Variants in NCKAP5 observed in about 807,000 individuals in gnomAD.
The protein encoded by NCKAP5 is nck-associated protein 5.
NCKAP5 carries 92 observed loss-of-function variants against 167.0 expected under a neutral mutation model. The observed-to-expected ratio is 0.55, with a 90% CI of 0.47 to 0.66. NCKAP5 has a LOEUF of 0.66. Among genes scored for constraint, NCKAP5 ranks in the 30% least tolerant of loss-of-function variants. NCKAP5 has a pLI of 0.00. For missense variants in NCKAP5, 2,378 were observed against 2,315.0 expected, an observed-to-expected ratio of 1.03 and a Z score of -0.56; for synonymous variants, 891 against 877.4, an observed-to-expected ratio of 1.02 and a Z score of -0.27.
At chr2:133,312,897 G>A (rs1681347056) in intron 3 of NCKAP5, among the ~76,000 whole-genome samples, 1 of 152,184 alleles carries the variant, frequency 6.6e-6, no homozygotes, top group African/African-American at 2.4e-5. Flanking sequence ...GTTTGTAGAT[G>A]TTATAGTTTT....
In NCKAP5 at chr2:133,267,116, G is replaced by A. The variant is rs114303232; in HGVS notation, c.143+35921C>T. On this transcript the variant is annotated intron_variant, in intron 4 of 19. Coordinates refer to ENST00000409261, the MANE Select transcript of NCKAP5 (RefSeq NM_207363.3). ...AGAGTGAGGGGCGGGGAAGGGAGGT[G>A]GGGGTGAGGGGACGATGGGGACCGG... Among the ~76,000 whole-genome samples, 628 of 152,260 alleles carry A rather than the reference G, an allele frequency of 4.1e-3. 3 individuals are homozygous for A. Among genetic ancestry groups the A allele is most frequent in the African/African-American group, 0.014 (602 of 41,560 alleles).
intron 13 of NCKAP5, among the ~76,000 whole-genome samples, chr2:132,789,147 T>C (rs1449900837): frequency 6.6e-6 from 1 of 151,902 alleles, no homozygotes; most frequent in Admixed American, 6.6e-5. Flanking sequence ...TAAAAGAAAG[T>C]GAAAAGCCTT....
At chr2:133,151,531 A>G (rs2083387043) in intron 5 of NCKAP5, among the ~76,000 whole-genome samples, 2 of 152,198 alleles carry the variant, frequency 1.3e-5, no homozygotes, top group Admixed American at 1.3e-4. Context: ...AAGTAAAAAT[A>G]TGAAAAGAGT....
Position 132,672,917 on chromosome 2 carries a change from G to T in NCKAP5, c.*372C>A. 4.1e-6 allele frequency: 4 copies of T among 964,242 alleles called. No individual in the cohort carries two copies. The highest frequency in any genetic ancestry group is 4.9e-6 in the Non-Finnish European group (4 of 810,432). The allele number at this position is 964,242 out of a possible 1,614,324, so 59.7% of individuals were successfully genotyped here. A position where few individuals can be genotyped will look rare whatever the true frequency, so the allele number is the denominator to read the frequency against. On this transcript the variant is annotated 3_prime_UTR_variant, in exon 20 of 20. Transcript: ENST00000409261. ...TGTGAATTTGACAAGGAAGGCTCTGGTACTGCAATAGTTTATTGTTATCTC... is the reference window on the plus strand; with the variant it reads ...TGTGAATTTGACAAGGAAGGCTCTGTTACTGCAATAGTTTATTGTTATCTC...
chr2:133,407,406 C>T (rs753349579), intron 3 of NCKAP5, among the ~76,000 whole-genome samples: 6 of 152,176 alleles, frequency 3.9e-5, no homozygotes, highest in Admixed American at 6.5e-5. Context: ...CCCAGGCTTC[C>T]GTTTAAAAAT....
intron 16 of NCKAP5, among the ~76,000 whole-genome samples, chr2:132,733,860 G>A (rs1249216206): frequency 1.3e-5 from 2 of 152,128 alleles, no homozygotes; most frequent in African/African-American, 4.8e-5. Flanking sequence ...AAAGAGGTTT[G>A]GTGCTTGGTA....
intron 3 of NCKAP5, among the ~76,000 whole-genome samples, chr2:133,480,784 T>C (rs1393563866): frequency 6.6e-6 from 1 of 152,162 alleles, no homozygotes; most frequent in Non-Finnish European, 1.5e-5. Flanking sequence ...GAACTGCGTG[T>C]TCCAAGCTTT....
chr2:133,256,858 T>C (rs1361222140), intron 4 of NCKAP5, among the ~76,000 whole-genome samples: 3 of 152,190 alleles, frequency 2.0e-5, no homozygotes, highest in South Asian at 2.1e-4. Flanking sequence ...TCTTCTCTCC[T>C]AGATTCATAT....
chr2:133,570,198 T>C (rs187239866), upstream of NCKAP5, among the ~76,000 whole-genome samples: 1 of 152,280 alleles, frequency 6.6e-6, no homozygotes, highest in African/African-American at 2.4e-5. Flanking sequence ...AGGAATTATA[T>C]AAATGATTAA....
chr2:133,372,660 A>G (rs1685878971), intron 3 of NCKAP5, among the ~76,000 whole-genome samples: 1 of 152,240 alleles, frequency 6.6e-6, no homozygotes, highest in Admixed American at 6.5e-5. Context: ...CTTTAAATAA[A>G]TACATATTCC....
In NCKAP5 at chr2:132,920,691, A is replaced by ATATATATATACGTATATGTATATATATG. The variant is rs1478364773; in HGVS notation, c.580-41803_580-41776dup. Among the ~76,000 whole-genome samples, 157 of 119,444 alleles carry ATATATATATACGTATATGTATATATATG rather than the reference A, an allele frequency of 1.3e-3. 8 individuals carry two copies. Among genetic ancestry groups the ATATATATATACGTATATGTATATATATG allele is most frequent in the Non-Finnish European group, 1.9e-3 (120 of 62,348 alleles). 78.4% of individuals were successfully genotyped at this position (119,444 alleles called of 152,430 possible). On this transcript the variant is annotated intron_variant, in intron 8 of 19. Coordinates refer to ENST00000409261, the MANE Select transcript of NCKAP5 (RefSeq NM_207363.3). ...TATATATATATATAAGTTAGTTTAT[A>ATATATATATACGTATATGTATATATATG]TATATATATACGTATATGTATATAT...
At chr2:133,534,348 T>A (rs1373482698) in intron 2 of NCKAP5, among the ~76,000 whole-genome samples, 1 of 152,200 alleles carries the variant, frequency 6.6e-6, no homozygotes, top group African/African-American at 2.4e-5. Context: ...ATAACTCATA[T>A]ACCATAATAT....
the NCKAP5 span, among the ~76,000 whole-genome samples, chr2:133,601,660 G>GA: frequency 6.6e-5 from 10 of 152,178 alleles, no homozygotes; most frequent in Non-Finnish European, 1.5e-4. Context: ...TTGAACCCTG[G>GA]AGGCGGAGGT....
At chr2:133,221,037 T>C (rs934734371) in intron 4 of NCKAP5, among the ~76,000 whole-genome samples, 4 of 150,372 alleles carry the variant, frequency 2.7e-5, no homozygotes, top group Non-Finnish European at 5.9e-5. Flanking sequence ...ACCCTATATA[T>C]GCAACGCACT....
At chr2:133,543,379 C>T (rs1299738757) in intron 2 of NCKAP5, among the ~76,000 whole-genome samples, 1 of 152,132 alleles carries the variant, frequency 6.6e-6, no homozygotes, top group African/African-American at 2.4e-5. Flanking sequence ...TATAAATTAC[C>T]CAGCCTCTGG....
chr2:132,863,697 T>C (rs1427627055), intron 10 of NCKAP5, among the ~76,000 whole-genome samples: 3 of 152,138 alleles, frequency 2.0e-5, no homozygotes, highest in African/African-American at 4.8e-5. Flanking sequence ...CTGATGGCCA[T>C]TGACAAACAG....
rs181322076 is a variant in NCKAP5, at chr2:132,800,795, G to A, written c.808-4066C>T. On this transcript the variant is annotated intron_variant, in intron 11 of 19. Transcript: ENST00000409261. ...CTCTCATTTTGGTCCTTTATCCAAAGTGTACTCTTACTGAGTTGTTCTCTG... is the reference window on the plus strand; with the variant it reads ...CTCTCATTTTGGTCCTTTATCCAAAATGTACTCTTACTGAGTTGTTCTCTG... 1.8e-4 allele frequency among the ~76,000 whole-genome samples: 27 copies of A among 152,266 alleles called. No individual in the cohort carries two copies. The East Asian group carries it at 3.7e-3, about 21-fold the overall frequency.
At chr2:132,808,026 G>GT (rs1364806675) in intron 11 of NCKAP5, among the ~76,000 whole-genome samples, 6 of 152,012 alleles carry the variant, frequency 3.9e-5, no homozygotes, top group Non-Finnish European at 8.8e-5. Context: ...TGTGATTTTT[G>GT]TTTTTAATTC....
chr2:133,593,583 T>C, the NCKAP5 span, among the ~76,000 whole-genome samples: 1 of 152,252 alleles, frequency 6.6e-6, no homozygotes, highest in Admixed American at 6.5e-5. Context: ...GGAAAACCAC[T>C]TGACAGACTA....
Sources: gnomAD v4.1 joint callset for allele counts (sites outside exome capture counted in the v4.1 genomes callset) on GRCh38, gnomAD v4.1.1 for gene constraint, MANE v1.5 for transcripts, NCBI Gene and HGNC (gene_info 2026-07-23, HGNC 2026-07-21) for gene names.